The following BMP2K variants were observed in gnomAD, a reference collection of about 807,000 sequenced individuals.
BMP2K encodes BMP2 inducible kinase.
In BMP2K, 74 loss-of-function variants were observed where a neutral mutation model predicts 116.0. The ratio of observed to expected loss-of-function variants is 0.64; its 90% CI spans 0.53 to 0.77. BMP2K has a LOEUF of 0.77. Among genes scored for constraint, BMP2K ranks in the 30% least tolerant of loss-of-function variants. The probability of loss-of-function intolerance (pLI) is 0.00; values close to 1 mark genes in which losing one functional copy is unlikely to be tolerated. For synonymous variants in BMP2K, 486 were observed against 502.5 expected, an observed-to-expected ratio of 0.97 and a Z score of 0.44; for missense variants, 1,365 against 1,403.6, an observed-to-expected ratio of 0.97 and a Z score of 0.44.
intron 2 of BMP2K, among the ~76,000 whole-genome samples, chr4:78,827,280 C>A (rs1729920015): frequency 6.6e-6 from 1 of 151,748 alleles, no homozygotes; most frequent in Non-Finnish European, 1.5e-5. Flanking sequence ...TTTTGTATTC[C>A]ATTGCATAAG....
At chr4:78,818,359 A>T (rs1729456377) in intron 1 of BMP2K, among the ~76,000 whole-genome samples, 2 of 152,284 alleles carry the variant, frequency 1.3e-5, no homozygotes, top group South Asian at 4.1e-4. Context: ...ACAATGGTTG[A>T]ACTTATTTAC....
chr4:78,892,183 A>G (rs893649713), intron 15 of BMP2K, among the ~76,000 whole-genome samples: 2 of 152,194 alleles, frequency 1.3e-5, no homozygotes, highest in Non-Finnish European at 2.9e-5. Context: ...CTAAATATTT[A>G]GAATTCACCT....
intron 15 of BMP2K, among the ~76,000 whole-genome samples, chr4:78,903,516 A>C (rs1452390020): frequency 6.6e-6 from 1 of 151,982 alleles, no homozygotes; most frequent in African/African-American, 2.4e-5. Context: ...CACTAAATAA[A>C]ATGAATTATG....
rs12647482 is a variant in BMP2K, at chr4:78,905,648, G to A, written c.2063-4962G>A. ...AATATGGGGATTATTAGGATTTAGG[G>A]TATATTGAATTATAAAGCAACATAT... is the stretch of plus-strand genomic sequence containing the variant. On this transcript the variant is annotated intron_variant, in intron 15 of 15. Transcript: ENST00000502613. Among the ~76,000 whole-genome samples the A allele has an allele frequency of 4.5e-4, 68 of 151,866 alleles. 1 individual carries two copies. The highest frequency in any genetic ancestry group is 1.4e-3 in the African/African-American group (58 of 41,452).
At chr4:78,822,725 AAT>A (rs1408700645) in intron 1 of BMP2K, among the ~76,000 whole-genome samples, 3 of 152,156 alleles carry the variant, frequency 2.0e-5, no homozygotes, top group Admixed American at 2.0e-4. Flanking sequence ...GGTTACTGCC[AAT>A]AATCTTATGA....
In BMP2K at chr4:78,776,614, G is replaced by GCGGGGCCGGCGGGGC; in HGVS notation, c.80_81insCGGGGCCGGGGCCGG (p.Gly27_Ala28insGlyAlaGlyAlaGly). ...GGCGGAGCGGCGGGTGGCGGGGCTG[G>GCGGGGCCGGCGGGGC]CGGGGCCGGGGCCGGGGCCGGCTGC... On this transcript the variant is annotated inframe_insertion, in exon 1 of 16. Transcript: ENST00000502613. The GCGGGGCCGGCGGGGC allele has an allele frequency of 8.3e-7, 1 of 1,199,704 alleles. No homozygotes were observed. The highest frequency in any genetic ancestry group is 1.0e-6 in the Non-Finnish European group (1 of 963,938). The allele number at this position is 1,199,704 out of a possible 1,614,324, so 74.3% of individuals were successfully genotyped here.
chr4:78,876,219 T>TG (rs1732623865), intron 13 of BMP2K, among the ~76,000 whole-genome samples: 1 of 151,978 alleles, frequency 6.6e-6, no homozygotes, highest in Non-Finnish European at 1.5e-5. Flanking sequence ...GGAGGGGGGA[T>TG]GCCCATCTCT....
intron 15 of BMP2K, among the ~76,000 whole-genome samples, chr4:78,903,307 A>G (rs1734112113): frequency 6.6e-6 from 1 of 152,048 alleles, no homozygotes; most frequent in South Asian, 2.1e-4. Context: ...TTTCCAGATC[A>G]CTAGAGTCAG....
Position 78,914,693 on chromosome 4 carries a change from G to T in BMP2K, c.*2660G>T, listed in dbSNP as rs1050108054. 1.3e-5 allele frequency: 2 copies of T among 148,534 alleles called. No homozygotes were observed. Among genetic ancestry groups the T allele is most frequent in the African/African-American group, 5.0e-5 (2 of 39,964 alleles). 9.2% of individuals were successfully genotyped at this position (148,534 alleles called of 1,614,324 possible). On this transcript the variant is annotated 3_prime_UTR_variant, in exon 16 of 16. Transcript: ENST00000502613. ...AATTCTGGTTTAAGGAAGGAAGAAAGGTTATTATATATGTACCACTAAGCA... is the reference window on the plus strand; with the variant it reads ...AATTCTGGTTTAAGGAAGGAAGAAATGTTATTATATATGTACCACTAAGCA...
At chr4:78,845,102 A>G in intron 5 of BMP2K, 53 bp downstream of exon 5, 1 of 1,463,814 alleles carries the variant, frequency 6.8e-7, no homozygotes, top group Non-Finnish European at 9.4e-7. Context: ...AGTTAACTTG[A>G]GTCTCTGGCC....
chr4:78,781,298 C>G (rs1331218387), intron 1 of BMP2K, among the ~76,000 whole-genome samples: 1 of 152,202 alleles, frequency 6.6e-6, no homozygotes, highest in South Asian at 2.1e-4. Context: ...AAAATGATGA[C>G]AGTGGGGATG....
intron 1 of BMP2K, among the ~76,000 whole-genome samples, chr4:78,786,079 C>G (rs796548294): frequency 6.6e-6 from 1 of 152,290 alleles, no homozygotes; most frequent in African/African-American, 2.4e-5. Flanking sequence ...TTCTGCACTT[C>G]TCTCAAGCTT....
intron 1 of BMP2K, among the ~76,000 whole-genome samples, chr4:78,780,424 CTTAGAG>C (rs1418308656): frequency 6.6e-6 from 1 of 152,130 alleles, no homozygotes; most frequent in Non-Finnish European, 1.5e-5. Context: ...CAGTATTTCT[CTTAGAG>C]TTAAATGCTT....
At position 78,913,113 on chromosome 4, in the gene BMP2K, G is replaced by C. The variant is rs992799831; in HGVS notation, c.*1080G>C. On this transcript the variant is annotated 3_prime_UTR_variant, in exon 16 of 16. Coordinates refer to ENST00000502613, the MANE Select transcript of BMP2K (RefSeq NM_198892.2). ...TCACCAAATATTCCCCAAGTCATAAGCAACAATTATTTTTATTAGGTTTTG... is the reference window on the plus strand; with the variant it reads ...TCACCAAATATTCCCCAAGTCATAACCAACAATTATTTTTATTAGGTTTTG... The C allele has an allele frequency of 1.3e-5, 2 of 151,816 alleles. No homozygotes were observed. Among genetic ancestry groups the C allele is most frequent in the Non-Finnish European group, 2.9e-5 (2 of 67,968 alleles). 9.4% of individuals were successfully genotyped at this position (151,816 alleles called of 1,614,324 possible). A position where few individuals can be genotyped will look rare whatever the true frequency, so the allele number is the denominator to read the frequency against.
chr4:78,865,371 TTTTA>T (rs1489980734), intron 9 of BMP2K, among the ~76,000 whole-genome samples, 182 bp from the exon 10 acceptor site: 10 of 152,184 alleles, frequency 6.6e-5, no homozygotes, highest in African/African-American at 2.4e-4. Flanking sequence ...AAATTGTTAG[TTTTA>T]TTTATTTTTC....
At chr4:78,813,495 T>G (rs2109976841) in intron 1 of BMP2K, among the ~76,000 whole-genome samples, 1 of 152,336 alleles carries the variant, frequency 6.6e-6, no homozygotes, top group Admixed American at 6.5e-5. Context: ...ATGATCTGGC[T>G]CTCTGTTTAC....
intron 14 of BMP2K, 135 bp downstream of exon 14, chr4:78,879,026 T>C (rs1298546128): frequency 1.4e-6 from 2 of 1,468,136 alleles, no homozygotes; most frequent in East Asian, 4.9e-5. Flanking sequence ...TCAGGCCATC[T>C]TCTTATACAT....
chr4:78,848,045 G>A (rs576263835), intron 6 of BMP2K, among the ~76,000 whole-genome samples: 60 of 151,616 alleles, frequency 4.0e-4, no homozygotes, highest in African/African-American at 1.3e-3. Flanking sequence ...AAAATTGTCA[G>A]GCGTAATGTG....
At chr4:78,874,335 T>G (rs934461824) in intron 13 of BMP2K, among the ~76,000 whole-genome samples, 1 of 152,156 alleles carries the variant, frequency 6.6e-6, no homozygotes, top group Non-Finnish European at 1.5e-5. Flanking sequence ...TTAAAACATA[T>G]TATACATTTT....
Sources: allele counts gnomAD v4.1 joint callset (sites outside exome capture counted in the v4.1 genomes callset), GRCh38; gene constraint gnomAD v4.1.1; transcripts MANE v1.5; gene names NCBI Gene and HGNC (gene_info 2026-07-23, HGNC 2026-07-21).